TMC1: variants seen among roughly 807,000 people sequenced by gnomAD.
TMC1 encodes the protein transmembrane channel-like protein 1.
A neutral mutation model predicts 105.8 loss-of-function variants in TMC1; 84 were observed. The ratio of observed to expected loss-of-function variants is 0.79; its 90% CI spans 0.67 to 0.95. The LOEUF is 0.95. Among genes scored for constraint, TMC1 ranks in the 40% least tolerant of loss-of-function variants. TMC1 has a pLI of 0.00. For missense variants in TMC1, 817 were observed against 914.1 expected (o/e 0.89, Z 1.37); for synonymous variants, 315 against 311.5 (o/e 1.01, Z -0.12).
chr9:72,787,776 A>G (rs1433540595), intron 13 of TMC1, among the ~76,000 whole-genome samples: 1 of 152,076 alleles, frequency 6.6e-6, no homozygotes, highest in East Asian at 1.9e-4. Context: ...GTTGATTTTT[A>G]TTCAAGAATT....
intron 8 of TMC1, among the ~76,000 whole-genome samples, chr9:72,735,737 C>T (rs1051334011): frequency 1.3e-5 from 2 of 152,174 alleles, no homozygotes; most frequent in Admixed American, 1.3e-4. Flanking sequence ...TGATACCTTG[C>T]AGCCCAATGT....
At chr9:72,811,829 A>G (rs1405539150) in intron 18 of TMC1, among the ~76,000 whole-genome samples, 1 of 152,192 alleles carries the variant, frequency 6.6e-6, no homozygotes, top group African/African-American at 2.4e-5. Flanking sequence ...TCCCAATCAT[A>G]TTATATTGTA....
intron 1 of TMC1, among the ~76,000 whole-genome samples, chr9:72,557,357 T>G (rs1823959975): frequency 6.6e-6 from 1 of 151,750 alleles, no homozygotes; most frequent in Non-Finnish European, 1.5e-5. Context: ...GGTGACAGAG[T>G]GAGACTCTCA....
In TMC1 at chr9:72,788,352, A is replaced by T. The variant is rs1244218571; in HGVS notation, c.898A>T (p.Ile300Phe). 6.2e-7 allele frequency: 1 copy of T among 1,613,904 alleles called. No homozygotes were observed. The change falls in exon 14 of 24, where the codon ATT becomes TTT. Residue 300 changes from isoleucine (I) to phenylalanine (F), a missense_variant. Ile to Phe is a conservative substitution (Grantham distance 21). Coordinates refer to ENST00000297784, the MANE Select transcript of TMC1 (RefSeq NM_138691.3). ...LVVLKAMTKN[I>F]GDDGGGDDNT... ...CTGTTTTTGCAGAATGACCAAAAAC[A>T]TTGGTGATGATGGAGGTGGAGATGA...
intron 10 of TMC1, among the ~76,000 whole-genome samples, chr9:72,742,948 G>A (rs541167415): frequency 6.6e-6 from 1 of 152,318 alleles, no homozygotes; most frequent in Admixed American, 6.5e-5. Flanking sequence ...AAGTGAAGAA[G>A]TCTTAGTCTG....
rs191941840 is a variant in TMC1, at chr9:72,759,390, A to T, written c.741+4506A>T. Among the ~76,000 whole-genome samples, 3 of 152,294 alleles carry T rather than the reference A, an allele frequency of 2.0e-5. No individual in the cohort carries two copies. In the East Asian group the frequency reaches 5.8e-4, roughly 29 times the overall value. The stretch of plus-strand genomic sequence containing the variant: ...CCAAGTCCCGTCTCCAGCATCACAA[A>T]GCAGCATATACAAGGATGGGTCTGA... On this transcript the variant is annotated intron_variant, in intron 12 of 23. Transcript: ENST00000297784.
intron 2 of TMC1, among the ~76,000 whole-genome samples, chr9:72,592,924 G>C (rs1442510387): frequency 6.6e-6 from 1 of 152,182 alleles, no homozygotes. Flanking sequence ...GTGTGAACCA[G>C]CAATAGCGCC....
chr9:72,755,074 GAGA>G (rs1827654781), intron 12 of TMC1, among the ~76,000 whole-genome samples, 190 bp downstream of exon 12: 1 of 84,774 alleles, frequency 1.2e-5, no homozygotes, highest in Non-Finnish European at 2.6e-5. Flanking sequence ...GAGGGAGGGA[GAGA>G]GAGAGAGAGA....
intron 17 of TMC1, among the ~76,000 whole-genome samples, chr9:72,802,163 C>T (rs1441670418): frequency 2.0e-5 from 3 of 152,034 alleles, no homozygotes; most frequent in Admixed American, 6.6e-5. Flanking sequence ...GTGGCTGAGA[C>T]AGGAGGATTG....
intron 7 of TMC1, among the ~76,000 whole-genome samples, chr9:72,696,647 A>G (rs184675704): frequency 6.6e-6 from 1 of 152,330 alleles, no homozygotes; most frequent in Admixed American, 6.5e-5. Context: ...GAAACCAACT[A>G]AAACCAAGGT....
chr9:72,821,514 A>G (rs368729350), intron 20 of TMC1, among the ~76,000 whole-genome samples: 15 of 152,176 alleles, frequency 9.9e-5, no homozygotes, highest in Admixed American at 2.0e-4. Context: ...AAAAAAAAAA[A>G]AAAGAAAGAA....
At chr9:72,619,893 G>C (rs1214240944) in intron 3 of TMC1, among the ~76,000 whole-genome samples, 2 of 151,964 alleles carry the variant, frequency 1.3e-5, no homozygotes, top group African/African-American at 4.8e-5. Flanking sequence ...GGAGTGCAGT[G>C]GTGTGATCTC....
intron 1 of TMC1, among the ~76,000 whole-genome samples, chr9:72,530,172 A>G (rs568143008): frequency 3.9e-5 from 6 of 151,958 alleles, no homozygotes; most frequent in African/African-American, 1.2e-4. Context: ...AGAGCTCCAT[A>G]GTTTCTTTCT....
chr9:72,700,719 TA>T, intron 8 of TMC1, 76 bp downstream of exon 8: 1 of 199,934 alleles, frequency 5.0e-6, no homozygotes, highest in Non-Finnish European at 9.9e-6. Flanking sequence ...ATTCCATATA[TA>T]TATATATATA....
At chr9:72,787,575 G>A (rs1828189527) in intron 13 of TMC1, among the ~76,000 whole-genome samples, 1 of 151,582 alleles carries the variant, frequency 6.6e-6, no homozygotes, top group East Asian at 1.9e-4. Flanking sequence ...GGAGTATATA[G>A]GATATAGATC....
At chr9:72,830,841 C>T (rs1829032027) in intron 23 of TMC1, among the ~76,000 whole-genome samples, 159 bp downstream of exon 23, 1 of 149,890 alleles carries the variant, frequency 6.7e-6, no homozygotes, top group Non-Finnish European at 1.5e-5. Flanking sequence ...TAGCCCTTCT[C>T]AGGCATCACA....
chr9:72,744,243 A>AT (rs760017184), intron 10 of TMC1, among the ~76,000 whole-genome samples: 2 of 152,202 alleles, frequency 1.3e-5, no homozygotes, highest in East Asian at 3.8e-4. Context: ...CTAAAATGCT[A>AT]TATCTTTAAT....
chr9:72,743,298 C>T (rs1311197035), intron 10 of TMC1, among the ~76,000 whole-genome samples: 3 of 148,358 alleles, frequency 2.0e-5, no homozygotes, highest in African/African-American at 7.4e-5. Context: ...ACCCAGGAGG[C>T]GGAGCTTGCA....
intron 1 of TMC1, among the ~76,000 whole-genome samples, chr9:72,551,579 C>CT (rs1823860979): frequency 6.6e-6 from 1 of 152,152 alleles, no homozygotes; most frequent in Admixed American, 6.5e-5. Context: ...GAGAGCTTGG[C>CT]TGAAGTCTTC....
Sources: gnomAD v4.1 joint callset for allele counts (sites outside exome capture counted in the v4.1 genomes callset) on GRCh38, gnomAD v4.1.1 for gene constraint, MANE v1.5 for transcripts, NCBI Gene and HGNC (gene_info 2026-07-23, HGNC 2026-07-21) for gene names.